The following CTNNA2 variants were observed in gnomAD, a reference collection of about 807,000 sequenced individuals.
The protein encoded by CTNNA2 is catenin alpha 2.
A neutral mutation model predicts 101.0 loss-of-function variants in CTNNA2; 42 were observed. That is an observed-to-expected ratio of 0.42 (90% CI 0.32 to 0.54). CTNNA2 has a LOEUF of 0.54. Ranked by LOEUF, CTNNA2 falls within the 20% of genes least tolerant of loss-of-function variation. The pLI, the probability that CTNNA2 is intolerant of heterozygous loss-of-function variation, is 0.14. For missense variants in CTNNA2, 871 were observed against 1,223.1 expected, an observed-to-expected ratio of 0.71 and a Z score of 4.29; for synonymous variants, 450 against 456.4, an observed-to-expected ratio of 0.99 and a Z score of 0.18.
chr2:80,622,392 T>C (rs1031976755), intron 18 of CTNNA2, among the ~76,000 whole-genome samples: 2 of 151,876 alleles, frequency 1.3e-5, no homozygotes, highest in East Asian at 3.9e-4. Context: ...GGGGGTATCA[T>C]TAACAGATTT....
intron 6 of CTNNA2, among the ~76,000 whole-genome samples, chr2:79,906,597 G>A (rs1484908080): frequency 6.6e-6 from 1 of 152,158 alleles, no homozygotes; most frequent in African/African-American, 2.4e-5. Flanking sequence ...GATGGATAGT[G>A]TAACTTTTAT....
intron 12 of CTNNA2, among the ~76,000 whole-genome samples, chr2:80,569,957 T>A (rs947076136): frequency 6.6e-6 from 1 of 152,046 alleles, no homozygotes; most frequent in African/African-American, 2.4e-5. Flanking sequence ...TTTTTAGACA[T>A]TACCAAAGTA....
intron 7 of CTNNA2, chr2:80,298,667 A>AT: frequency 6.6e-6 from 1 of 152,362 alleles, no homozygotes; most frequent in South Asian, 2.1e-4. Context: ...ATCATACCAA[A>AT]TGTCTGCCTT....
At chr2:80,482,986 A>C (rs546947484) in intron 9 of CTNNA2, among the ~76,000 whole-genome samples, 2 of 152,152 alleles carry the variant, frequency 1.3e-5, no homozygotes, top group Non-Finnish European at 2.9e-5. Flanking sequence ...GATTTTGTGA[A>C]CACTTTTTAG....
chr2:80,056,451 A>G lies in CTNNA2; in HGVS notation c.1056+146654A>G, dbSNP rs1389327741. Reference sequence around the variant, plus strand: ...TTAGGGTGCTACTGGCAGTCTTTGCATGGACTGTGTCTTGTGGCTGTAAGA... The same window carrying G: ...TTAGGGTGCTACTGGCAGTCTTTGCGTGGACTGTGTCTTGTGGCTGTAAGA... On this transcript the variant is annotated intron_variant, in intron 7 of 18. Transcript: ENST00000402739. 2.0e-5 allele frequency among the ~76,000 whole-genome samples: 3 copies of G among 152,210 alleles called. No homozygotes were observed. The East Asian group carries it at 5.8e-4, about 29-fold the overall frequency.
chr2:79,644,106 C>T (rs538982763), intron 1 of CTNNA2, among the ~76,000 whole-genome samples: 2 of 152,204 alleles, frequency 1.3e-5, no homozygotes, highest in East Asian at 3.9e-4. Context: ...GGCATAATCT[C>T]GGCTCACTGC....
At chr2:80,629,361 G>A (rs1288403088) in intron 18 of CTNNA2, among the ~76,000 whole-genome samples, 1 of 152,106 alleles carries the variant, frequency 6.6e-6, no homozygotes, top group Non-Finnish European at 1.5e-5. Context: ...CAATAGAAGT[G>A]AAACAGTGAT....
At chr2:80,068,691 G>A (rs552583897) in intron 7 of CTNNA2, among the ~76,000 whole-genome samples, 14 of 152,270 alleles carry the variant, frequency 9.2e-5, no homozygotes, top group Admixed American at 2.0e-4. Flanking sequence ...GAGAGTTGGA[G>A]AGTGAGGGTA....
At chr2:79,205,797 C>T (rs576058771) in intron 2 of CTNNA2, among the ~76,000 whole-genome samples, 3 of 152,132 alleles carry the variant, frequency 2.0e-5, no homozygotes, top group Non-Finnish European at 4.4e-5. Flanking sequence ...TGATATGATT[C>T]CATGCAACCT....
At chr2:80,114,575 A>C (rs1212480040) in intron 7 of CTNNA2, among the ~76,000 whole-genome samples, 1 of 152,224 alleles carries the variant, frequency 6.6e-6, no homozygotes, top group Non-Finnish European at 1.5e-5. Flanking sequence ...AAGAAGCAGC[A>C]AATGTTCACA....
At chr2:79,564,554 T>A (rs141403917) in intron 1 of CTNNA2, among the ~76,000 whole-genome samples, 25 of 152,280 alleles carry the variant, frequency 1.6e-4, no homozygotes, top group African/African-American at 5.5e-4. Flanking sequence ...ATTTTAGAAA[T>A]CCTACTCTGG....
At chr2:79,465,114 T>G (rs1670919350) in intron 4 of CTNNA2, among the ~76,000 whole-genome samples, 1 of 152,234 alleles carries the variant, frequency 6.6e-6, no homozygotes, top group Non-Finnish European at 1.5e-5. Flanking sequence ...TTTATGGTTT[T>G]AGGTCTAACA....
chr2:79,844,277 A>T (rs189255853), intron 3 of CTNNA2, among the ~76,000 whole-genome samples: 129 of 152,336 alleles, frequency 8.5e-4, no homozygotes, highest in Admixed American at 1.6e-3. Context: ...ATATCCAAAA[A>T]GTCTGAAAAT....
chr2:80,617,995 G>C (rs971369093), intron 17 of CTNNA2, among the ~76,000 whole-genome samples: 2 of 151,662 alleles, frequency 1.3e-5, no homozygotes, highest in African/African-American at 4.8e-5. Context: ...TCAGATGAAG[G>C]CCTTTTATGT....
intron 7 of CTNNA2, among the ~76,000 whole-genome samples, chr2:80,259,589 G>A (rs1672439102): frequency 6.6e-6 from 1 of 152,150 alleles, no homozygotes; most frequent in Admixed American, 6.5e-5. Context: ...TTTTCCAGAA[G>A]TCTCAGTTCA....
intron 4 of CTNNA2, among the ~76,000 whole-genome samples, chr2:79,412,424 C>G (rs1678425515): frequency 6.6e-6 from 1 of 151,952 alleles, no homozygotes; most frequent in Non-Finnish European, 1.5e-5. Context: ...CTCTCCACCC[C>G]AAATCAACAG....
chr2:79,327,354 T>C (rs908248210), intron 3 of CTNNA2, among the ~76,000 whole-genome samples: 1 of 152,160 alleles, frequency 6.6e-6, no homozygotes, highest in African/African-American at 2.4e-5. Flanking sequence ...GCCATAACCC[T>C]TGGATCCAAG....
chr2:79,249,378 G>A (rs147495839), intron 2 of CTNNA2, among the ~76,000 whole-genome samples: 1 of 125,566 alleles, frequency 8.0e-6, no homozygotes, highest in African/African-American at 2.9e-5. Context: ...GTTATTTGGA[G>A]TTAGTTCTCA....
chr2:80,303,241 T>C lies in CTNNA2; in HGVS notation c.1057-89970T>C, dbSNP rs1676540591. The C allele has an allele frequency of 6.2e-7, 1 of 1,613,756 alleles. No homozygotes were observed. The highest frequency in any genetic ancestry group is 2.2e-5 in the East Asian group (1 of 44,862). ...GCGCCAGACTCTTGAGCTGATTGTA[T>C]CCGATGTCGAGAAACTTGAGGCTGC... On this transcript the variant is annotated intron_variant, in intron 7 of 18. Transcript: ENST00000402739. The surrounding 1 kb of genome is among the most constrained non-coding windows in gnomAD (Gnocchi z 7.7).
Sources: allele counts gnomAD v4.1 joint callset (sites outside exome capture counted in the v4.1 genomes callset), GRCh38; gene constraint gnomAD v4.1.1; non-coding constraint Gnocchi (gnomAD v3.1); transcripts MANE v1.5; gene names NCBI Gene and HGNC (gene_info 2026-07-23, HGNC 2026-07-21).